RALYL: variants seen among roughly 807,000 people sequenced by gnomAD.
The protein encoded by RALYL is RALY RNA binding protein like.
Under a neutral mutation model 35.1 loss-of-function variants are expected in RALYL, and 29 were observed. That is an observed-to-expected ratio of 0.83 (90% CI 0.61 to 1.13). RALYL has a LOEUF of 1.13. RALYL is among the 50% of genes most tolerant of loss of function. RALYL has a pLI of 0.00. For missense variants in RALYL, 359 were observed against 360.4 expected (o/e 1.00, Z 0.03); for synonymous variants, 120 against 127.6 (o/e 0.94, Z 0.40).
chr8:84,525,346 G>A (rs2058798855), intron 1 of RALYL, among the ~76,000 whole-genome samples: 1 of 151,922 alleles, frequency 6.6e-6, no homozygotes, highest in South Asian at 2.1e-4. Flanking sequence ...ACATTTCTTT[G>A]ACTGTTATAC....
rs528333546 is a variant in RALYL at position 84,353,524 on chromosome 8, G to A, written c.-24+169100G>A. On this transcript the variant is annotated intron_variant, in intron 1 of 8. Transcript: ENST00000521268. ...CTAAATAGATTCCAGCTGTGACAAT[G>A]TTTATAATTTCCCTGTAGCTTGAAA... Among the ~76,000 whole-genome samples, 5 of 150,270 alleles carry A rather than the reference G, an allele frequency of 3.3e-5. No individual in the cohort carries two copies. In the East Asian group the frequency reaches 9.7e-4, roughly 29 times the overall value.
intron 1 of RALYL, among the ~76,000 whole-genome samples, chr8:84,341,806 C>A (rs1586444934): frequency 6.6e-6 from 1 of 151,830 alleles, no homozygotes; most frequent in East Asian, 1.9e-4. Flanking sequence ...ACATTTCACC[C>A]ATCTAGAAGT....
Position 84,780,238 on chromosome 8 carries a change from T to A in RALYL, c.332+5584T>A, listed in dbSNP as rs555620000. On this transcript the variant is annotated intron_variant, in intron 3 of 8. Coordinates refer to ENST00000521268, the MANE Select transcript of RALYL (RefSeq NM_173848.7). ...TTCTCCTACCCGCCATATTAATACA[T>A]CCTGTCCTTCTGAAACTGACACAAG... Among the ~76,000 whole-genome samples, 3 of 152,256 alleles carry A rather than the reference T, an allele frequency of 2.0e-5. No homozygotes were observed. In the East Asian group the frequency reaches 5.8e-4, roughly 29 times the overall value.
chr8:84,400,487 C>T (rs2131958040), intron 1 of RALYL, among the ~76,000 whole-genome samples: 1 of 152,222 alleles, frequency 6.6e-6, no homozygotes, highest in Admixed American at 6.5e-5. Flanking sequence ...CTGAAGAGGG[C>T]ACATTAATTG....
intron 2 of RALYL, among the ~76,000 whole-genome samples, chr8:84,762,630 A>G (rs971215472): frequency 2.0e-5 from 3 of 152,300 alleles, no homozygotes; most frequent in African/African-American, 7.2e-5. Flanking sequence ...GTTTGGAGTG[A>G]CAGCTGAACT....
intron 4 of RALYL, among the ~76,000 whole-genome samples, chr8:84,819,855 G>A (rs1292124456): frequency 6.6e-6 from 1 of 152,126 alleles, no homozygotes; most frequent in Non-Finnish European, 1.5e-5. Context: ...TCAAAAGAGT[G>A]TTATCAGCAC....
At chr8:84,884,488 T>C (rs1482562888) in intron 7 of RALYL, among the ~76,000 whole-genome samples, 1 of 145,418 alleles carries the variant, frequency 6.9e-6, no homozygotes, top group Admixed American at 6.9e-5. Flanking sequence ...AAAAATTATA[T>C]ATACATATAC....
At chr8:84,307,820 G>C (rs973373411) in intron 1 of RALYL, among the ~76,000 whole-genome samples, 1 of 152,110 alleles carries the variant, frequency 6.6e-6, no homozygotes, top group African/African-American at 2.4e-5. Context: ...TCAGAATGGG[G>C]TTATTAGCTT....
chr8:84,321,682 C>T (rs1844841845), intron 1 of RALYL, among the ~76,000 whole-genome samples: 1 of 152,012 alleles, frequency 6.6e-6, no homozygotes, highest in African/African-American at 2.4e-5. Flanking sequence ...GGGACATAAC[C>T]AGGGACACAG....
chr8:84,390,546 C>T (rs899580247), intron 1 of RALYL, among the ~76,000 whole-genome samples: 1 of 152,060 alleles, frequency 6.6e-6, no homozygotes, highest in Non-Finnish European at 1.5e-5. Context: ...TTCAGAGATT[C>T]AACTTCTTCC....
intron 2 of RALYL, among the ~76,000 whole-genome samples, chr8:84,766,748 A>AAAT (rs1814174022): frequency 6.8e-6 from 1 of 147,008 alleles, no homozygotes; most frequent in African/African-American, 2.5e-5. Context: ...AAAAAAAAAA[A>AAAT]CTCCCAAAAC....
intron 7 of RALYL, among the ~76,000 whole-genome samples, chr8:84,880,234 A>G (rs907544939): frequency 3.3e-5 from 5 of 152,048 alleles, no homozygotes; most frequent in Admixed American, 6.6e-5. Context: ...TGCCTCTCAA[A>G]TGGGCAGAGA....
intron 2 of RALYL, among the ~76,000 whole-genome samples, chr8:84,644,118 G>T (rs1199813244): frequency 1.3e-5 from 2 of 151,952 alleles, no homozygotes; most frequent in African/African-American, 4.8e-5. Context: ...GTGTTTCAAA[G>T]AAAGTATATT....
At chr8:84,369,302 GTATTTATTTATT>G (rs143936722) in intron 1 of RALYL, among the ~76,000 whole-genome samples, 15 of 151,106 alleles carry the variant, frequency 9.9e-5, no homozygotes, top group African/African-American at 1.5e-4. Context: ...GAAAAAACTA[GTATTTATTTATT>G]TATTTATTTA....
intron 1 of RALYL, among the ~76,000 whole-genome samples, chr8:84,418,604 C>T (rs926085642): frequency 3.3e-5 from 5 of 151,974 alleles, no homozygotes; most frequent in Non-Finnish European, 7.4e-5. Flanking sequence ...GTCTTCTCTT[C>T]GTCCTTACAT....
At chr8:84,696,858 T>C (rs1839247260) in intron 2 of RALYL, among the ~76,000 whole-genome samples, 1 of 152,002 alleles carries the variant, frequency 6.6e-6, no homozygotes, top group Non-Finnish European at 1.5e-5. Context: ...GAAACACATA[T>C]AAGAGGTCAA....
intron 1 of RALYL, among the ~76,000 whole-genome samples, chr8:84,317,165 T>C (rs1256017012): frequency 1.3e-5 from 2 of 152,184 alleles, no homozygotes; most frequent in Non-Finnish European, 2.9e-5. Flanking sequence ...AATCCTTTGT[T>C]TCTAAATTAA....
At chr8:84,827,448 C>T (rs745322865) in intron 4 of RALYL, among the ~76,000 whole-genome samples, 6 of 152,032 alleles carry the variant, frequency 3.9e-5, no homozygotes, top group Non-Finnish European at 5.9e-5. Flanking sequence ...AAGATTAGAA[C>T]GTGCAGACAA....
chr8:84,314,259 A>T (rs73306929), intron 1 of RALYL, among the ~76,000 whole-genome samples: 2 of 152,162 alleles, frequency 1.3e-5, no homozygotes, highest in Admixed American at 1.3e-4. Context: ...ACACGTAGGG[A>T]TTATAATTTG....
Sources: gnomAD v4.1 joint callset for allele counts (sites outside exome capture counted in the v4.1 genomes callset) on GRCh38, gnomAD v4.1.1 for gene constraint, MANE v1.5 for transcripts, NCBI Gene and HGNC (gene_info 2026-07-23, HGNC 2026-07-21) for gene names.